The following NALCN variants were observed in gnomAD, a reference collection of about 807,000 sequenced individuals.
NALCN encodes sodium leak channel NALCN.
In NALCN, 111 loss-of-function variants were observed where a neutral mutation model predicts 225.3. That is an observed-to-expected ratio of 0.49 (90% CI 0.42 to 0.58). The LOEUF is 0.58. Ranked by LOEUF, NALCN falls within the 20% of genes least tolerant of loss-of-function variation. The pLI is 0.00. For missense variants in NALCN, 1,378 were observed against 2,202.4 expected (o/e 0.63, Z 7.49); for synonymous variants, 764 against 769.0 (o/e 0.99, Z 0.11).
intron 6 of NALCN, among the ~76,000 whole-genome samples, chr13:101,370,380 G>A (rs1376595749): frequency 2.0e-5 from 3 of 152,216 alleles, no homozygotes; most frequent in Non-Finnish European, 4.4e-5. Context: ...CAGTAAATGA[G>A]TAGGAACAGA....
intron 11 of NALCN, among the ~76,000 whole-genome samples, chr13:101,240,584 T>G (rs1427762838): frequency 6.6e-6 from 1 of 152,108 alleles, no homozygotes. Flanking sequence ...GAGTTAATCA[T>G]ATGAATGCAT....
At chr13:101,133,276 T>A (rs1054439096) in intron 17 of NALCN, among the ~76,000 whole-genome samples, 6 of 152,238 alleles carry the variant, frequency 3.9e-5, no homozygotes, top group African/African-American at 1.4e-4. Flanking sequence ...AATAGCTTTT[T>A]TGATTTACAA....
intron 7 of NALCN, among the ~76,000 whole-genome samples, chr13:101,332,169 T>C (rs991303510): frequency 1.3e-5 from 2 of 151,584 alleles, no homozygotes; most frequent in East Asian, 1.9e-4. Context: ...AAACAAAGAA[T>C]AGAGAGAATG....
chr13:101,205,994 A>T (rs1020208556), intron 13 of NALCN, among the ~76,000 whole-genome samples: 1 of 152,054 alleles, frequency 6.6e-6, no homozygotes, highest in African/African-American at 2.4e-5. Context: ...TTTAGCTTTA[A>T]ATAGAAAGCA....
intron 41 of NALCN, among the ~76,000 whole-genome samples, chr13:101,061,429 T>C (rs2139405530): frequency 6.6e-6 from 1 of 151,824 alleles, no homozygotes; most frequent in East Asian, 1.9e-4. Context: ...TCACCCAGGC[T>C]GGAGTGCAGT....
intron 18 of NALCN, among the ~76,000 whole-genome samples, chr13:101,115,067 G>A (rs1310177608): frequency 2.6e-5 from 4 of 152,226 alleles, no homozygotes; most frequent in East Asian, 1.9e-4. Flanking sequence ...TTGAAATTCC[G>A]TGAAGATCAA....
intron 15 of NALCN, among the ~76,000 whole-genome samples, chr13:101,148,423 A>G (rs1387353851): frequency 1.3e-5 from 2 of 152,124 alleles, no homozygotes; most frequent in Non-Finnish European, 2.9e-5. Context: ...TTTTCCTTAT[A>G]GATGCCAAAC....
At chr13:101,189,652 G>T (rs751733293) in intron 14 of NALCN, among the ~76,000 whole-genome samples, 16 of 152,188 alleles carry the variant, frequency 1.1e-4, no homozygotes, top group Non-Finnish European at 2.2e-4. Flanking sequence ...TCATAGTCTT[G>T]TACGACACCA....
intron 13 of NALCN, among the ~76,000 whole-genome samples, chr13:101,207,988 C>T (rs548964904): frequency 1.3e-5 from 2 of 151,742 alleles, no homozygotes; most frequent in Non-Finnish European, 2.9e-5. Context: ...ACTCCAGAGG[C>T]GCTGCCTTTA....
intron 10 of NALCN, among the ~76,000 whole-genome samples, chr13:101,272,741 G>A (rs1230348084): frequency 1.3e-5 from 2 of 152,152 alleles, no homozygotes; most frequent in South Asian, 2.1e-4. Flanking sequence ...GGAATGGGCT[G>A]GGGAGAGAGC....
chr13:101,133,654 T>C (rs368201092), intron 17 of NALCN, among the ~76,000 whole-genome samples: 13 of 152,296 alleles, frequency 8.5e-5, no homozygotes, highest in African/African-American at 3.1e-4. Flanking sequence ...CGACAGATCA[T>C]GTGTGTGGCA....
chr13:101,215,247 A>T (rs912606153), intron 13 of NALCN, among the ~76,000 whole-genome samples: 6 of 152,180 alleles, frequency 3.9e-5, no homozygotes, highest in Non-Finnish European at 8.8e-5. Context: ...CAGCAACTCT[A>T]TTCCCAGATA....
chr13:101,108,661 G>C (rs1347073860), intron 20 of NALCN, among the ~76,000 whole-genome samples: 1 of 152,142 alleles, frequency 6.6e-6, no homozygotes, highest in Non-Finnish European at 1.5e-5. Context: ...TCTACATGTG[G>C]AATAGCCAGG....
rs942968660 is a variant in NALCN at position 101,068,601 on chromosome 13, C to A, written c.4330+94G>T. On this transcript the variant is annotated intron_variant, in intron 38 of 43. Coordinates refer to ENST00000251127, the MANE Select transcript of NALCN (RefSeq NM_052867.4). ...ATAATTAATGCCATGAAACACCCACCCCAAGAAATCCAGGGTAATTGCTTG... is the reference window on the plus strand; with the variant it reads ...ATAATTAATGCCATGAAACACCCACACCAAGAAATCCAGGGTAATTGCTTG... The A allele has an allele frequency of 2.4e-6, 3 of 1,275,972 alleles. No individual in the cohort carries two copies. In the African/African-American group the frequency reaches 4.6e-5, roughly 20 times the overall value. The allele number at this position is 1,275,972 out of a possible 1,614,324, so 79.0% of individuals were successfully genotyped here.
At chr13:101,407,139 T>C (rs555542722) in intron 1 of NALCN, among the ~76,000 whole-genome samples, 1 of 152,344 alleles carries the variant, frequency 6.6e-6, no homozygotes, top group South Asian at 2.1e-4. Context: ...TGTTTTGTAG[T>C]GCTCTCTGTT....
chr13:101,083,296 A>C, intron 31 of NALCN, 98 bp from the exon 32 acceptor site: 1 of 1,015,008 alleles, frequency 9.9e-7, no homozygotes, highest in Non-Finnish European at 1.5e-6. Flanking sequence ...AACCCATTAC[A>C]TTTTTCTCCC....
intron 13 of NALCN, among the ~76,000 whole-genome samples, chr13:101,201,860 A>C (rs186407307): frequency 1.3e-5 from 2 of 152,196 alleles, no homozygotes; most frequent in African/African-American, 2.4e-5. Context: ...GTTGCTTTCA[A>C]AATAAAATCT....
intron 9 of NALCN, among the ~76,000 whole-genome samples, chr13:101,285,314 G>T (rs188875428): frequency 7.2e-5 from 11 of 151,910 alleles, no homozygotes; most frequent in East Asian, 1.9e-4. Flanking sequence ...TTTATTTTTG[G>T]GGGGAGATAG....
At chr13:101,318,784 C>A (rs936674583) in intron 7 of NALCN, among the ~76,000 whole-genome samples, 1 of 152,092 alleles carries the variant, frequency 6.6e-6, no homozygotes, top group Non-Finnish European at 1.5e-5. Flanking sequence ...ATTTTTAAAA[C>A]CTTTGTGGAT....
Sources: allele counts gnomAD v4.1 joint callset (sites outside exome capture counted in the v4.1 genomes callset), GRCh38; gene constraint gnomAD v4.1.1; transcripts MANE v1.5; gene names NCBI Gene and HGNC (gene_info 2026-07-23, HGNC 2026-07-21).